FERMT1: variants seen among roughly 807,000 people sequenced by gnomAD.
FERMT1 encodes fermitin family homolog 1.
In FERMT1, 60 loss-of-function variants were observed where a neutral mutation model predicts 85.3. The ratio of observed to expected loss-of-function variants is 0.70; its 90% CI spans 0.57 to 0.87. The LOEUF is 0.87. Among genes scored for constraint, FERMT1 ranks in the 40% least tolerant of loss-of-function variants. The pLI is 0.00. For missense variants in FERMT1, 701 were observed against 818.9 expected (o/e 0.86, Z 1.76); for synonymous variants, 275 against 301.1 (o/e 0.91, Z 0.90).
rs762090385 is a variant in FERMT1 at position 6,112,571 on chromosome 20, A to G, written c.438T>C (p.Phe146=). The G allele has an allele frequency of 1.4e-5, 23 of 1,606,466 alleles. No homozygotes were observed. The highest frequency in any genetic ancestry group is 1.8e-5 in the Non-Finnish European group (21 of 1,175,506). ...TTTTGTCTTTTTTCTTCTTCTTCTT[A>G]AAATAGTCACCAGACGGCTTTAACA... ...LSLLKPSGDY[F]KKKKKKDKNN... Residue 146 remains phenylalanine (F), a synonymous_variant, in exon 4 of 15, where the codon TTT becomes TTC. Coordinates refer to ENST00000217289, the MANE Select transcript of FERMT1 (RefSeq NM_017671.5).
chr20:6,111,424 G>A (rs911057056), intron 4 of FERMT1, among the ~76,000 whole-genome samples: 1 of 152,074 alleles, frequency 6.6e-6, no homozygotes, highest in Non-Finnish European at 1.5e-5. Context: ...TTGAGGCCAG[G>A]AGTTTGAGAC....
rs758553172 is a variant in FERMT1 at position 6,085,067 on chromosome 20, T to C, written c.1592A>G (p.Gln531Arg). 92 of 1,611,644 alleles carry C rather than the reference T, an allele frequency of 5.7e-5. 1 individual carries two copies. The Admixed American group carries it at 1.2e-3, about 21-fold the overall frequency. ...TTGCCCTAACAAGATTAACAGTACC[T>C]GTTTGGATTTGTGTCTTTTTGCACA... is the stretch of plus-strand genomic sequence containing the variant. ...PRCAKRHKSK[Q>R]LAARILEAHQ... The change falls in exon 12 of 15, where the codon CAG becomes CGG. Residue 531 changes from glutamine to arginine, a missense_variant and splice_region_variant. Physicochemically the swap from Gln to Arg is conservative, Grantham distance 43. Transcript: ENST00000217289.
At chr20:6,101,739 G>A (rs1982664803) in intron 6 of FERMT1, among the ~76,000 whole-genome samples, 1 of 152,134 alleles carries the variant, frequency 6.6e-6, no homozygotes, top group Non-Finnish European at 1.5e-5. Context: ...TGCAACCTCT[G>A]CCTCCCAGGT....
chr20:6,090,584 A>G (rs1982328755), intron 9 of FERMT1, among the ~76,000 whole-genome samples: 1 of 152,048 alleles, frequency 6.6e-6, no homozygotes. Flanking sequence ...GGAAGATCAC[A>G]TCTCTACAAA....
chr20:6,103,440 G>A (rs1982714999), intron 6 of FERMT1, among the ~76,000 whole-genome samples: 1 of 152,134 alleles, frequency 6.6e-6, no homozygotes, highest in Non-Finnish European at 1.5e-5. Context: ...ACACCTAGGA[G>A]TGGATTTGCT....
intron 3 of FERMT1, 119 bp downstream of exon 3, chr20:6,115,692 G>A (rs1034647138): frequency 1.9e-5 from 15 of 798,014 alleles, no homozygotes; most frequent in African/African-American, 1.0e-4. Flanking sequence ...TTAAACATGT[G>A]CTTCCTAATA....
chr20:6,089,935 C>T (rs908807629), intron 9 of FERMT1, among the ~76,000 whole-genome samples: 3 of 151,978 alleles, frequency 2.0e-5, no homozygotes, highest in Admixed American at 1.3e-4. Flanking sequence ...TATTAGTATG[C>T]GGTTTGTGGA....
chr20:6,083,306 G>T (rs1982051945), intron 13 of FERMT1, among the ~76,000 whole-genome samples: 1 of 152,132 alleles, frequency 6.6e-6, no homozygotes, highest in African/African-American at 2.4e-5. Flanking sequence ...CCTGGACTGG[G>T]GGTGAACTTG....
At chr20:6,077,452 A>T in intron 14 of FERMT1, 106 bp from the exon 15 acceptor site, 1 of 988,672 alleles carries the variant, frequency 1.0e-6, no homozygotes. Context: ...GAGGTGGATA[A>T]CAGATGGATA....
At chr20:6,111,923 C>G (rs1009651531) in intron 4 of FERMT1, among the ~76,000 whole-genome samples, 1 of 151,244 alleles carries the variant, frequency 6.6e-6, no homozygotes, top group Non-Finnish European at 1.5e-5. Context: ...AGTGCAGTGG[C>G]ACAATCTTGG....
chr20:6,093,487 A>T (rs917457430), intron 9 of FERMT1, among the ~76,000 whole-genome samples: 1 of 152,222 alleles, frequency 6.6e-6, no homozygotes, highest in Non-Finnish European at 1.5e-5. Flanking sequence ...CATTTGGTTC[A>T]TGAGGGGCTT....
Position 6,075,048 on chromosome 20 carries a change from TG to T in FERMT1, c.*2124del, listed in dbSNP as rs778361332. The stretch of plus-strand genomic sequence containing the variant: ...TCTTTGGAACAGTAGCATTTAGGTT[TG>T]TTTTTTTTTTTTTTTGTCACACTTG... On this transcript the variant is annotated 3_prime_UTR_variant, in exon 15 of 15. Transcript: ENST00000217289. The T allele has an allele frequency of 0.012, 1,702 of 137,926 alleles. 43 individuals are homozygous for T. Among genetic ancestry groups the T allele is most frequent in the African/African-American group, 0.043 (1,478 of 34,660 alleles). The allele number at this position is 137,926 out of a possible 1,614,324, so 8.5% of individuals were successfully genotyped here. A position where few individuals can be genotyped will look rare whatever the true frequency, so the allele number is the denominator to read the frequency against.
intron 13 of FERMT1, among the ~76,000 whole-genome samples, chr20:6,081,666 A>G (rs773563817): frequency 2.6e-5 from 4 of 152,196 alleles, no homozygotes; most frequent in Non-Finnish European, 5.9e-5. Context: ...AATACATTCA[A>G]GAAGTTTTAC....
In FERMT1 at chr20:6,110,442, G is replaced by T; in HGVS notation, c.602C>A (p.Ser201Tyr). The change falls in exon 5 of 15, where the codon TCC (serine) becomes TAC (tyrosine). Residue 201 changes from serine (S) to tyrosine (Y), a missense_variant. By Grantham distance (144) the Ser-to-Tyr change is moderately radical. Transcript: ENST00000217289. ...GCTGTCACTGAACCAAGTCATGGTG[G>T]ATGATGCTGGTGTTCCATTGATGGG... ...YDPINGTPAS[S>Y]TMTWFSDSPL... The T allele has an allele frequency of 6.2e-7, 1 of 1,614,148 alleles. No homozygotes were observed. The highest frequency in any genetic ancestry group is 8.5e-7 in the Non-Finnish European group (1 of 1,180,032).
At chr20:6,114,249 CA>C (rs1386482867) in intron 3 of FERMT1, among the ~76,000 whole-genome samples, 3 of 152,140 alleles carry the variant, frequency 2.0e-5, no homozygotes, top group African/African-American at 7.2e-5. Context: ...GCACTAAAAG[CA>C]AAACAATGAA....
intron 3 of FERMT1, among the ~76,000 whole-genome samples, chr20:6,114,790 TG>T (rs1409563338): frequency 6.6e-6 from 1 of 152,230 alleles, no homozygotes; most frequent in Non-Finnish European, 1.5e-5. Flanking sequence ...TGCCCAACCC[TG>T]GCATTCCCAA....
At chr20:6,113,957 AT>A (rs1983030636) in intron 3 of FERMT1, among the ~76,000 whole-genome samples, 1 of 152,196 alleles carries the variant, frequency 6.6e-6, no homozygotes, top group Non-Finnish European at 1.5e-5. Flanking sequence ...GCTGATCAGA[AT>A]TGCTGATAAC....
At chr20:6,119,273 G>A (rs1983196164) in intron 2 of FERMT1, 131 bp downstream of exon 2, 9 of 953,890 alleles carry the variant, frequency 9.4e-6, no homozygotes, top group Non-Finnish European at 1.5e-5. Context: ...TCTCCTCTGG[G>A]ATGAGGGGTG....
chr20:6,104,476 A>G lies in FERMT1; in HGVS notation c.849+3056T>C, dbSNP rs1012785951. On this transcript the variant is annotated intron_variant, in intron 6 of 14. Coordinates refer to ENST00000217289, the MANE Select transcript of FERMT1 (RefSeq NM_017671.5). This position sits in a 1 kb window ranked among gnomAD's most constrained non-coding sequence, Gnocchi z 4.2. ...AGGAGTCTTAAACTTGATTTTATCT[A>G]TAGCACTCATAATTTTGAGAGAGGG... is the stretch of plus-strand genomic sequence containing the variant. Among the ~76,000 whole-genome samples the G allele has an allele frequency of 1.3e-5, 2 of 152,176 alleles. No homozygotes were observed. The highest frequency in any genetic ancestry group is 2.1e-4 in the South Asian group (1 of 4,824).
Sources: gnomAD v4.1 joint callset for allele counts (sites outside exome capture counted in the v4.1 genomes callset) on GRCh38, gnomAD v4.1.1 for gene constraint, Gnocchi (gnomAD v3.1) non-coding constraint, MANE v1.5 for transcripts, NCBI Gene and HGNC (gene_info 2026-07-23, HGNC 2026-07-21) for gene names.